Variants in SYNCRIP observed in about 807,000 individuals in gnomAD.
The protein encoded by SYNCRIP is heterogeneous nuclear ribonucleoprotein Q.
Under a neutral mutation model 68.9 loss-of-function variants are expected in SYNCRIP, and 9 were observed. The ratio of observed to expected loss-of-function variants is 0.13; its 90% CI spans 0.08 to 0.23. The LOEUF (loss-of-function observed/expected upper bound fraction) is 0.23. Ranked by LOEUF, SYNCRIP falls within the 10% of genes least tolerant of loss-of-function variation. The pLI is 1.00. For missense variants in SYNCRIP, 414 were observed against 770.6 expected, an observed-to-expected ratio of 0.54 and a Z score of 5.48; for synonymous variants, 258 against 254.0, an observed-to-expected ratio of 1.02 and a Z score of -0.15.
chr6:85,622,950 G>C (rs1057143793), intron 7 of SYNCRIP, among the ~76,000 whole-genome samples: 2 of 152,170 alleles, frequency 1.3e-5, no homozygotes, highest in Non-Finnish European at 2.9e-5. Flanking sequence ...TCACTAATTA[G>C]ATCAGAGAGG....
intron 6 of SYNCRIP, among the ~76,000 whole-genome samples, chr6:85,629,605 C>T (rs895529661): frequency 6.6e-6 from 1 of 150,992 alleles, no homozygotes; most frequent in Admixed American, 6.6e-5. Context: ...GGGCGGATCA[C>T]GAGGTCAAGA....
At chr6:85,623,910 G>T in intron 7 of SYNCRIP, 67 bp downstream of exon 7, 1 of 1,564,382 alleles carries the variant, frequency 6.4e-7, no homozygotes, top group South Asian at 1.1e-5. Flanking sequence ...AATGCATGAC[G>T]CACAGAAATA....
chr6:85,624,792 C>A (rs1368107495), intron 6 of SYNCRIP, among the ~76,000 whole-genome samples: 1 of 152,154 alleles, frequency 6.6e-6, no homozygotes, highest in Non-Finnish European at 1.5e-5. Flanking sequence ...GACAAATCCA[C>A]CAATTAGTAT....
intron 8 of SYNCRIP, among the ~76,000 whole-genome samples, chr6:85,619,781 G>A (rs1280566290): frequency 6.8e-6 from 1 of 146,068 alleles, no homozygotes; most frequent in Non-Finnish European, 1.6e-5. Flanking sequence ...TTCATTGCTG[G>A]TGGGAATGCA....
intron 4 of SYNCRIP, among the ~76,000 whole-genome samples, chr6:85,638,835 C>CA (rs1808788170): frequency 6.6e-6 from 1 of 152,056 alleles, no homozygotes; most frequent in Non-Finnish European, 1.5e-5. Flanking sequence ...TCCATAAAAA[C>CA]AAAAAGGAAA....
chr6:85,638,639 C>T (rs2128302672), intron 4 of SYNCRIP, among the ~76,000 whole-genome samples: 1 of 152,222 alleles, frequency 6.6e-6, no homozygotes, highest in Middle Eastern at 3.4e-3. Flanking sequence ...ACATTTTCTA[C>T]TCAAAGGACA....
In SYNCRIP at chr6:85,614,207, G is replaced by C; in HGVS notation, c.*549C>G. On this transcript the variant is annotated 3_prime_UTR_variant, in exon 11 of 11. Coordinates refer to ENST00000369622, the MANE Select transcript of SYNCRIP (RefSeq NM_006372.5). Reference sequence around the variant, plus strand: ...AAAACGAATTGTAAACACAATTTTAGTAAGTATACATTTAGGTGTGAATTT... The same window carrying C: ...AAAACGAATTGTAAACACAATTTTACTAAGTATACATTTAGGTGTGAATTT... The C allele has an allele frequency of 1.0e-6, 1 of 985,560 alleles. No individual in the cohort carries two copies. The highest frequency in any genetic ancestry group is 1.2e-6 in the Non-Finnish European group (1 of 829,686). 61.1% of individuals were successfully genotyped at this position (985,560 alleles called of 1,614,324 possible).
intron 7 of SYNCRIP, among the ~76,000 whole-genome samples, chr6:85,623,059 G>T (rs772232326): frequency 6.6e-6 from 1 of 151,982 alleles, no homozygotes; most frequent in South Asian, 2.1e-4. Context: ...ATTTTTAATG[G>T]CACTTTTCTG....
intron 6 of SYNCRIP, 129 bp from the exon 7 acceptor site, chr6:85,624,241 ATG>A: frequency 5.9e-6 from 5 of 845,396 alleles, no homozygotes; most frequent in Non-Finnish European, 9.1e-6. Context: ...CAAGGGAATT[ATG>A]AGGAACAGAT....
Position 85,608,748 on chromosome 6 carries a change from C to T in SYNCRIP, c.*4134G>A, listed in dbSNP as rs530481505. The T allele has an allele frequency of 2.0e-5, 3 of 151,960 alleles. No individual in the cohort carries two copies. The South Asian group carries it at 6.2e-4, about 32-fold the overall frequency. 9.4% of individuals were successfully genotyped at this position (151,960 alleles called of 1,614,324 possible). A position where few individuals can be genotyped will look rare whatever the true frequency, so the allele number is the denominator to read the frequency against. On this transcript the variant is annotated 3_prime_UTR_variant, in exon 12 of 12. Transcript: ENST00000355238. ...TAATATTAAAAACCTAATCTTTGACCCAGAGCGTTAGTAATAATACTGGTT... is the reference window on the plus strand; with the variant it reads ...TAATATTAAAAACCTAATCTTTGACTCAGAGCGTTAGTAATAATACTGGTT...
chr6:85,610,195 C>T (rs1021295793), downstream of SYNCRIP: 4 of 151,970 alleles, frequency 2.6e-5, no homozygotes, highest in South Asian at 4.1e-4. Context: ...CTTCTCAGAA[C>T]GTTAATTGTT....
At chr6:85,608,826 G>A (rs545879690) in exon 12 of SYNCRIP, 2 of 151,904 alleles carry the variant, frequency 1.3e-5, no homozygotes, top group African/African-American at 2.4e-5. Context: ...AATATTTTAG[G>A]TGTATTACTG....
At position 85,618,947 on chromosome 6, in the gene SYNCRIP, A is replaced by G. The variant is rs372051238; in HGVS notation, c.1159-8T>C. 95 of 1,602,864 alleles carry G rather than the reference A, an allele frequency of 5.9e-5. No homozygotes were observed. The highest frequency in any genetic ancestry group is 7.8e-5 in the Non-Finnish European group (92 of 1,174,864). On this transcript the variant is annotated splice_polypyrimidine_tract_variant and splice_region_variant and intron_variant, in intron 9 of 10. Coordinates refer to ENST00000369622, the MANE Select transcript of SYNCRIP (RefSeq NM_006372.5). ...ATTCATTTCTTCCATAGCCTTAAAA[A>G]ATTAGATAAGTCAATATAAAAATAG...
At chr6:85,610,820 A>C (rs1346139063), downstream of SYNCRIP, 1 of 151,974 alleles carries the variant, frequency 6.6e-6, no homozygotes, top group African/African-American at 2.4e-5. Flanking sequence ...TATTATATTC[A>C]TTATGTTAGA....
chr6:85,634,410 CATA>C (rs765503624), intron 6 of SYNCRIP, among the ~76,000 whole-genome samples: 2 of 152,208 alleles, frequency 1.3e-5, no homozygotes, highest in Middle Eastern at 3.4e-3. Flanking sequence ...GATTCTTTTT[CATA>C]ATGTTAAAAA....
chr6:85,629,126 T>C (rs1807404687), intron 6 of SYNCRIP, among the ~76,000 whole-genome samples: 1 of 152,132 alleles, frequency 6.6e-6, no homozygotes, highest in Non-Finnish European at 1.5e-5. Flanking sequence ...ATGAACTAAC[T>C]CCTGGCACTG....
At chr6:85,630,198 A>G (rs1364362006) in intron 6 of SYNCRIP, among the ~76,000 whole-genome samples, 1 of 151,754 alleles carries the variant, frequency 6.6e-6, no homozygotes, top group Non-Finnish European at 1.5e-5. Flanking sequence ...CGTCTCTACT[A>G]AAAATACAAA....
intron 6 of SYNCRIP, among the ~76,000 whole-genome samples, chr6:85,632,853 C>T (rs1807962921): frequency 6.6e-6 from 1 of 152,156 alleles, no homozygotes; most frequent in South Asian, 2.1e-4. Context: ...AGGAGGATCA[C>T]GTAAGCCCGG....
chr6:85,634,152 C>A (rs1437118614), intron 6 of SYNCRIP, among the ~76,000 whole-genome samples: 1 of 152,204 alleles, frequency 6.6e-6, no homozygotes, highest in East Asian at 1.9e-4. Context: ...TCTAAGCAAC[C>A]TACAGCAATG....
Sources: gnomAD v4.1 joint callset for allele counts (sites outside exome capture counted in the v4.1 genomes callset) on GRCh38, gnomAD v4.1.1 for gene constraint, MANE v1.5 for transcripts, NCBI Gene and HGNC (gene_info 2026-07-23, HGNC 2026-07-21) for gene names.